The following TTLL11 variants were observed in gnomAD, a reference collection of about 807,000 sequenced individuals.
TTLL11 encodes tubulin polyglutamylase TTLL11.
TTLL11 carries 42 observed loss-of-function variants against 51.7 expected under a neutral mutation model. That is an observed-to-expected ratio of 0.81 (90% CI 0.64 to 1.05). The LOEUF is 1.05. Among genes scored for constraint, TTLL11 ranks in the 50% least tolerant of loss-of-function variants. The pLI is 0.00. For synonymous variants in TTLL11, 381 were observed against 383.5 expected (o/e 0.99, Z 0.08); for missense variants, 799 against 940.4 (o/e 0.85, Z 1.97).
At chr9:122,019,298 T>C (rs948001941) in intron 3 of TTLL11, among the ~76,000 whole-genome samples, 3 of 152,140 alleles carry the variant, frequency 2.0e-5, no homozygotes, top group African/African-American at 7.2e-5. Context: ...ATCACCTTTC[T>C]AATACTAAAA....
chr9:122,031,947 G>A (rs957324143), intron 2 of TTLL11, 91 bp from the exon 3 acceptor site: 46 of 1,479,826 alleles, frequency 3.1e-5, no homozygotes, highest in African/African-American at 3.1e-4. Context: ...CCACCCACCC[G>A]ACATATTCTC....
At chr9:122,068,600 G>T (rs925676375) in intron 1 of TTLL11, among the ~76,000 whole-genome samples, 8 of 152,302 alleles carry the variant, frequency 5.3e-5, no homozygotes, top group Admixed American at 3.9e-4. Flanking sequence ...AAGGCTCAAA[G>T]AAGTTAAATC....
At chr9:121,970,228 G>T (rs551176717) in intron 6 of TTLL11, among the ~76,000 whole-genome samples, 1 of 152,300 alleles carries the variant, frequency 6.6e-6, no homozygotes, top group East Asian at 1.9e-4. Context: ...TTGATAAGTT[G>T]TAAAATGCCT....
At chr9:122,019,705 C>G (rs1844107750) in intron 3 of TTLL11, among the ~76,000 whole-genome samples, 1 of 152,198 alleles carries the variant, frequency 6.6e-6, no homozygotes, top group African/African-American at 2.4e-5. Flanking sequence ...CCTGCCTCAG[C>G]CTCCCAGAGT....
chr9:121,887,664 G>T (rs1839062623), intron 6 of TTLL11, among the ~76,000 whole-genome samples: 1 of 152,248 alleles, frequency 6.6e-6, no homozygotes, highest in Admixed American at 6.5e-5. Context: ...CGGCCAGAAG[G>T]CCGACCACAG....
intron 6 of TTLL11, among the ~76,000 whole-genome samples, chr9:121,918,330 C>T (rs1364773388): frequency 6.6e-6 from 1 of 152,302 alleles, no homozygotes; most frequent in East Asian, 1.9e-4. Context: ...TGGGAAATGT[C>T]AGAGTGAAGG....
chr9:121,905,608 C>T (rs1839917171), intron 6 of TTLL11, among the ~76,000 whole-genome samples: 1 of 152,164 alleles, frequency 6.6e-6, no homozygotes, highest in East Asian at 1.9e-4. Flanking sequence ...CTGTCTCAGC[C>T]TCCCAAAGTG....
chr9:121,953,809 G>A (rs182756041), intron 6 of TTLL11, among the ~76,000 whole-genome samples: 2 of 151,922 alleles, frequency 1.3e-5, no homozygotes, highest in Non-Finnish European at 2.9e-5. Flanking sequence ...GCTCACAATC[G>A]AAGCATGCTT....
chr9:122,082,048 G>A (rs1341002692), intron 1 of TTLL11, among the ~76,000 whole-genome samples: 4 of 152,218 alleles, frequency 2.6e-5, no homozygotes, highest in African/African-American at 9.6e-5. Context: ...TACACAAGAT[G>A]AATAGTATAC....
In TTLL11 at chr9:121,989,314, T is replaced by C; in HGVS notation, c.1150A>G (p.Lys384Glu). Residue 384 changes from lysine to glutamate, a missense_variant, in exon 4 of 9, where the codon AAG becomes GAG. By Grantham distance (56) the Lys-to-Glu change is moderately conservative (BLOSUM62 1). Coordinates refer to ENST00000321582, the MANE Select transcript of TTLL11 (RefSeq NM_001139442.2). The surrounding 1 kb of genome is among the most constrained non-coding windows in gnomAD (Gnocchi z 4.2). ...RLSSKGVDIK[K>E]VWSDIISVVI... Reference sequence around the variant, plus strand: ...ACGGAGATGATGTCAGACCAGACCTTCTTGATGTCAACGCCTTTGGAAGAC... The same window carrying C: ...ACGGAGATGATGTCAGACCAGACCTCCTTGATGTCAACGCCTTTGGAAGAC... The C allele has an allele frequency of 6.2e-7, 1 of 1,614,190 alleles. No homozygotes were observed. The highest frequency in any genetic ancestry group is 1.1e-5 in the South Asian group (1 of 91,074).
chr9:122,011,119 T>A (rs568453280), intron 3 of TTLL11, among the ~76,000 whole-genome samples: 1 of 152,204 alleles, frequency 6.6e-6, no homozygotes, highest in Non-Finnish European at 1.5e-5. Context: ...TCAGAGCTGA[T>A]GGTTTTACAA....
chr9:121,822,769 G>T lies in TTLL11; in HGVS notation c.1951C>A (p.His651Asn). 7 of 1,551,688 alleles carry T rather than the reference G, an allele frequency of 4.5e-6. No individual in the cohort carries two copies. Among genetic ancestry groups the T allele is most frequent in the Non-Finnish European group, 6.1e-6 (7 of 1,146,988 alleles). Residue 651 changes from histidine to asparagine, a missense_variant, in exon 9 of 9, where the codon CAC becomes AAC. His to Asn is a moderately conservative substitution (Grantham distance 68). Around this residue, in one of 3 missense-constraint regions of TTLL11, gnomAD observed 165 missense variants for 166.1 expected, o/e 0.99. Coordinates refer to ENST00000321582, the MANE Select transcript of TTLL11 (RefSeq NM_001139442.2). The surrounding 1 kb of genome is among the most constrained non-coding windows in gnomAD (Gnocchi z 5.8). ...CGTTTTTCATCCAGCAGGGACAGGTGGTACTCGCAAAGGTCAATCAGTGAG... is the reference window on the plus strand; with the variant it reads ...CGTTTTTCATCCAGCAGGGACAGGTTGTACTCGCAAAGGTCAATCAGTGAG... ...VASLIDLCEY[H>N]LSLLDEKRLV...
chr9:121,862,587 G>T (rs1348351770), intron 7 of TTLL11, among the ~76,000 whole-genome samples: 1 of 152,192 alleles, frequency 6.6e-6, no homozygotes, highest in Non-Finnish European at 1.5e-5. Context: ...TGGAATATCT[G>T]TGTACAGGGC....
At chr9:121,892,057 A>T (rs1426389516) in intron 6 of TTLL11, among the ~76,000 whole-genome samples, 1 of 146,290 alleles carries the variant, frequency 6.8e-6, no homozygotes, top group Admixed American at 6.9e-5. Flanking sequence ...TAAAAAATAT[A>T]AAAAATATAT....
intron 1 of TTLL11, among the ~76,000 whole-genome samples, chr9:122,050,084 C>T (rs78968782): frequency 0.043 from 6,526 of 152,172 alleles, 180 homozygotes; most frequent in South Asian, 0.058. Flanking sequence ...CCACACCCCA[C>T]TCAGAGACTC....
chr9:121,947,077 G>T (rs1841696074), intron 6 of TTLL11, among the ~76,000 whole-genome samples: 1 of 152,046 alleles, frequency 6.6e-6, no homozygotes, highest in South Asian at 2.1e-4. Context: ...GAAAAATGGG[G>T]ACTAAAACCA....
At chr9:121,926,345 C>T (rs557698669) in intron 6 of TTLL11, among the ~76,000 whole-genome samples, 2 of 152,338 alleles carry the variant, frequency 1.3e-5, no homozygotes, top group East Asian at 1.9e-4. Context: ...CCTCCAGGTC[C>T]GCGGGTCCCT....
rs574854655 is a variant in TTLL11, at chr9:121,920,738, T to C, written c.1482-49990A>G. Among the ~76,000 whole-genome samples the C allele has an allele frequency of 1.1e-4, 16 of 152,288 alleles. 2 individuals are homozygous for C. In the South Asian group the frequency reaches 2.7e-3, roughly 26 times the overall value. On this transcript the variant is annotated intron_variant, in intron 6 of 8. Coordinates refer to ENST00000321582, the MANE Select transcript of TTLL11 (RefSeq NM_001139442.2). Reference sequence around the variant, plus strand: ...TATGTCTGCTCTAACACAAGGACAATTGGATAAGACTCTATCCCCTGAGTT... The same window carrying C: ...TATGTCTGCTCTAACACAAGGACAACTGGATAAGACTCTATCCCCTGAGTT...
intron 8 of TTLL11, among the ~76,000 whole-genome samples, chr9:121,844,944 T>C (rs912229161): frequency 6.6e-6 from 1 of 152,044 alleles, no homozygotes; most frequent in African/African-American, 2.4e-5. Flanking sequence ...GAGCAGAAGA[T>C]AGATTTGAAG....
Sources: gnomAD v4.1 joint callset for allele counts (sites outside exome capture counted in the v4.1 genomes callset) on GRCh38, gnomAD v4.1.1 for gene constraint, gnomAD v4.1.1 regional missense constraint, Gnocchi (gnomAD v3.1) non-coding constraint, MANE v1.5 for transcripts, NCBI Gene and HGNC (gene_info 2026-07-23, HGNC 2026-07-21) for gene names.